The following USP24 variants were observed in gnomAD, a reference collection of about 807,000 sequenced individuals.
USP24 encodes ubiquitin specific peptidase 24.
Under a neutral mutation model 361.6 loss-of-function variants are expected in USP24, and 97 were observed. The ratio of observed to expected loss-of-function variants is 0.27; its 90% CI spans 0.23 to 0.32. USP24 has a LOEUF of 0.32. Ranked by LOEUF, USP24 falls within the 10% of genes least tolerant of loss-of-function variation. The pLI is 1.00. For synonymous variants in USP24, 1,098 were observed against 1,124.6 expected (o/e 0.98, Z 0.47); for missense variants, 2,353 against 3,165.6 (o/e 0.74, Z 6.16).
At chr1:55,113,391 T>TTA (rs1420335139) in intron 38 of USP24, among the ~76,000 whole-genome samples, 2 of 152,124 alleles carry the variant, frequency 1.3e-5, no homozygotes, top group Non-Finnish European at 2.9e-5. Context: ...CAGTAATTAA[T>TTA]AGCCTACCAA....
At chr1:55,078,775 T>G (rs1431772302) in intron 60 of USP24, 124 bp from the exon 61 acceptor site, 4 of 669,360 alleles carry the variant, frequency 6.0e-6, no homozygotes, top group East Asian at 6.0e-5. Flanking sequence ...GAAAACAGGG[T>G]TTCTTAACTG....
Position 55,141,650 on chromosome 1 carries a change from G to T in USP24, c.2716C>A (p.Pro906Thr). ...GACTGAACTGAGGTTGCTACAGTTGGCATGGCAGTTGCTGTAAGCATTTTT... is the reference window on the plus strand; with the variant it reads ...GACTGAACTGAGGTTGCTACAGTTGTCATGGCAGTTGCTGTAAGCATTTTT... ...ATKMLTATAM[P>T]TVATSVQSPY... Residue 906 changes from proline (P) to threonine (T), a missense_variant, in exon 24 of 68, where the codon CCA becomes ACA. Pro to Thr is a conservative substitution (Grantham distance 38). Transcript: ENST00000294383. 1.2e-6 allele frequency: 2 copies of T among 1,612,242 alleles called. No homozygotes were observed. Among genetic ancestry groups the T allele is most frequent in the Non-Finnish European group, 1.7e-6 (2 of 1,179,118 alleles).
chr1:55,097,503 A>G (rs1161082555), intron 48 of USP24, 95 bp downstream of exon 48: 9 of 1,474,104 alleles, frequency 6.1e-6, no homozygotes, highest in Middle Eastern at 4.8e-4. Context: ...CAGCCTTAAC[A>G]TGGTAGACAG....
chr1:55,169,869 G>A (rs1275098694), intron 5 of USP24, among the ~76,000 whole-genome samples: 1 of 152,138 alleles, frequency 6.6e-6, no homozygotes, highest in Non-Finnish European at 1.5e-5. Flanking sequence ...AGGGGACTAA[G>A]ACAATGCACA....
chr1:55,083,390 A>C, intron 57 of USP24, 26 bp from the exon 58 acceptor site: 2 of 1,610,418 alleles, frequency 1.2e-6, no homozygotes, highest in Non-Finnish European at 1.7e-6. Flanking sequence ...GAGAATAACA[A>C]ATTATATTTC....
chr1:55,129,434 T>C (rs1472444585), intron 32 of USP24, 43 bp downstream of exon 32: 1 of 1,526,230 alleles, frequency 6.6e-7, no homozygotes, highest in Non-Finnish European at 9.1e-7. Flanking sequence ...AATAACTATA[T>C]TCATTTTCGG....
chr1:55,094,857 T>C (rs1365563796), intron 51 of USP24, among the ~76,000 whole-genome samples: 14 of 151,806 alleles, frequency 9.2e-5, no homozygotes, highest in Admixed American at 9.2e-4. Context: ...AAACCAAATA[T>C]CTGGGCCTGG....
At position 55,072,802 on chromosome 1, in the gene USP24, T is replaced by G. The variant is rs1314584128; in HGVS notation, c.7586A>C (p.Gln2529Pro). Residue 2529 changes from glutamine to proline, a missense_variant, in exon 65 of 68, where the codon CAG becomes CCG. Gln to Pro is a moderately conservative substitution (Grantham distance 76). Coordinates refer to ENST00000294383, the MANE Select transcript of USP24 (RefSeq NM_015306.3). ...TTCAGTTACCTTCTTCTGTAGCCACTGCACAGCCCAGCTCCAGTGGTGGGA... is the reference window on the plus strand; with the variant it reads ...TTCAGTTACCTTCTTCTGTAGCCACGGCACAGCCCAGCTCCAGTGGTGGGA... ...ENSHHWSWAV[Q>P]WLQKKMSEHY... 1.2e-6 allele frequency: 2 copies of G among 1,605,108 alleles called. No homozygotes were observed. Among genetic ancestry groups the G allele is most frequent in the Non-Finnish European group, 8.5e-7 (1 of 1,175,720 alleles).
chr1:55,147,212 C>T (rs1647051382), intron 18 of USP24, among the ~76,000 whole-genome samples, 152 bp from the exon 19 acceptor site: 2 of 152,244 alleles, frequency 1.3e-5, no homozygotes, highest in East Asian at 1.9e-4. Flanking sequence ...ATTCTGTTTA[C>T]AAATTGATAG....
rs1193910573 is a variant in USP24, at chr1:55,178,279, A to G, written c.325-147T>C. On this transcript the variant is annotated intron_variant, in intron 1 of 67. Transcript: ENST00000294383. The stretch of plus-strand genomic sequence containing the variant: ...TTCTACCTTTCTTTCCTATAATCAC[A>G]TCTTTCACCAAGAATATCTCAAATA... 7 of 858,910 alleles carry G rather than the reference A, an allele frequency of 8.1e-6. No homozygotes were observed. The African/African-American group carries it at 1.2e-4, about 15-fold the overall frequency. 53.2% of individuals were successfully genotyped at this position (858,910 alleles called of 1,614,324 possible).
chr1:55,205,997 T>C (rs1166997176), intron 1 of USP24, among the ~76,000 whole-genome samples: 1 of 152,142 alleles, frequency 6.6e-6, no homozygotes, highest in Non-Finnish European at 1.5e-5. Context: ...GAGGAGAAAA[T>C]GGAGTTTCAG....
At chr1:55,078,488 A>C in intron 61 of USP24, 50 bp downstream of exon 61, 1 of 1,462,012 alleles carries the variant, frequency 6.8e-7, no homozygotes, top group South Asian at 1.3e-5. Flanking sequence ...GCTCTCCTAG[A>C]GTCTCACTTA....
At chr1:55,116,848 T>C (rs1646130264) in intron 38 of USP24, among the ~76,000 whole-genome samples, 1 of 152,208 alleles carries the variant, frequency 6.6e-6, no homozygotes, top group Admixed American at 6.5e-5. Flanking sequence ...ACTTATTCTA[T>C]GACACCAGTA....
intron 1 of USP24, among the ~76,000 whole-genome samples, chr1:55,180,460 G>A (rs1260517958): frequency 1.3e-5 from 2 of 152,078 alleles, no homozygotes; most frequent in African/African-American, 4.8e-5. Flanking sequence ...GCCAGAGGAG[G>A]AGCCTTCACA....
rs1311801596 is a variant in USP24, at chr1:55,195,072, A to G, written c.325-16940T>C. On this transcript the variant is annotated intron_variant, in intron 1 of 67. Coordinates refer to ENST00000294383, the MANE Select transcript of USP24 (RefSeq NM_015306.3). ...ACCCCAACCCAAACCAAAAAAAGGA[A>G]GCTCATCCCATCACTCACTTCCTCA... 2.0e-5 allele frequency among the ~76,000 whole-genome samples: 3 copies of G among 152,200 alleles called. No homozygotes were observed. In the East Asian group the frequency reaches 5.8e-4, roughly 29 times the overall value.
intron 67 of USP24, 188 bp downstream of exon 67, chr1:55,071,626 C>T (rs1341218137): frequency 1.8e-6 from 2 of 1,140,088 alleles, no homozygotes; most frequent in Admixed American, 5.3e-5. Flanking sequence ...CACTGCAGCA[C>T]TACTCAGCCC....
intron 1 of USP24, among the ~76,000 whole-genome samples, chr1:55,210,732 C>T (rs937834665): frequency 6.6e-6 from 1 of 152,014 alleles, no homozygotes; most frequent in African/African-American, 2.4e-5. Flanking sequence ...AACAAAAAAG[C>T]AATGAAATCT....
At chr1:55,166,140 G>A (rs891384658) in intron 6 of USP24, among the ~76,000 whole-genome samples, 190 bp from the exon 7 acceptor site, 13 of 151,196 alleles carry the variant, frequency 8.6e-5, no homozygotes, top group South Asian at 4.2e-4. Context: ...TATCCTTTGA[G>A]TTACAAACAA....
chr1:55,112,045 A>T (rs192430774), intron 38 of USP24, among the ~76,000 whole-genome samples: 3 of 152,128 alleles, frequency 2.0e-5, no homozygotes, highest in African/African-American at 7.2e-5. Context: ...CAGAGGTATT[A>T]AAAAAAGTCA....
Sources: allele counts gnomAD v4.1 joint callset (sites outside exome capture counted in the v4.1 genomes callset), GRCh38; gene constraint gnomAD v4.1.1; transcripts MANE v1.5; gene names NCBI Gene and HGNC (gene_info 2026-07-23, HGNC 2026-07-21).